The following ADARB2 variants were observed in gnomAD, a reference collection of about 807,000 sequenced individuals.
ADARB2 encodes adenosine deaminase RNA specific B2 (inactive), also known as inactive double-stranded RNA-specific editase B2.
In ADARB2, 25 loss-of-function variants were observed where a neutral mutation model predicts 62.2. The ratio of observed to expected loss-of-function variants is 0.40; its 90% CI spans 0.29 to 0.56. The LOEUF (loss-of-function observed/expected upper bound fraction) is 0.56, where lower values mean the gene tolerates loss of function less well. Among genes scored for constraint, ADARB2 ranks in the 20% least tolerant of loss-of-function variants. The probability of loss-of-function intolerance (pLI) is 0.43; values close to 1 mark genes in which losing one functional copy is unlikely to be tolerated. For synonymous variants in ADARB2, 572 were observed against 500.8 expected, an observed-to-expected ratio of 1.14 and a Z score of -1.90; for missense variants, 1,071 against 1,077.4, an observed-to-expected ratio of 0.99 and a Z score of 0.08.
At chr10:1,608,944 C>T (rs1301534296) in intron 1 of ADARB2, among the ~76,000 whole-genome samples, 9 of 152,126 alleles carry the variant, frequency 5.9e-5, no homozygotes, top group Admixed American at 5.9e-4. Context: ...TATTGTGCGT[C>T]CCTCTTGCAG....
chr10:1,427,343 T>C (rs1832900924), intron 1 of ADARB2, among the ~76,000 whole-genome samples: 1 of 152,224 alleles, frequency 6.6e-6, no homozygotes, highest in African/African-American at 2.4e-5. Flanking sequence ...AAAGGACTTA[T>C]GTCTAAAAAA....
chr10:1,730,838 A>AAT (rs1177624481), intron 1 of ADARB2, among the ~76,000 whole-genome samples: 8 of 152,204 alleles, frequency 5.3e-5, no homozygotes, highest in South Asian at 4.1e-4. Context: ...ACTAAATTCC[A>AAT]ATATATATGT....
intron 1 of ADARB2, among the ~76,000 whole-genome samples, chr10:1,720,800 C>T (rs1389794184): frequency 2.6e-5 from 4 of 152,094 alleles, no homozygotes; most frequent in African/African-American, 9.7e-5. Context: ...TTGGGGGCAG[C>T]AACTAATATC....
rs554376101 is a variant in ADARB2 at position 1,507,753 on chromosome 10, G to A, written c.101-128593C>T. On this transcript the variant is annotated intron_variant, in intron 1 of 9. Transcript: ENST00000381312. ...TTGTGAGTCCTAAGTGCCAGATAGC[G>A]GGTGTACAGTGACTTCATTAGGCAT... 2.0e-3 allele frequency among the ~76,000 whole-genome samples: 298 copies of A among 152,298 alleles called. 3 individuals are homozygous for A. The highest frequency in any genetic ancestry group is 6.6e-3 in the African/African-American group (273 of 41,568).
intron 1 of ADARB2, among the ~76,000 whole-genome samples, chr10:1,557,853 G>A (rs974502137): frequency 4.6e-5 from 7 of 151,984 alleles, no homozygotes; most frequent in Non-Finnish European, 7.4e-5. Flanking sequence ...CGGAGGTTGC[G>A]GTGAGCTGAG....
At chr10:1,513,350 G>A (rs11598604) in intron 1 of ADARB2, among the ~76,000 whole-genome samples, 20,722 of 152,150 alleles carry the variant, frequency 0.14, 1,620 homozygotes, top group East Asian at 0.19. Context: ...TGGCTATGAC[G>A]GGATGACCGC....
At position 1,604,040 on chromosome 10, in the gene ADARB2, A is replaced by G. The variant is rs1432099509; in HGVS notation, c.100+133011T>C. Among the ~76,000 whole-genome samples the G allele has an allele frequency of 3.3e-5, 5 of 152,176 alleles. No individual in the cohort carries two copies. The South Asian group carries it at 8.3e-4, about 25-fold the overall frequency. Reference sequence around the variant, plus strand: ...GGCTGGTCTCAAACTCCTGACCTCAAGTGATCCACCCACCTCGGCCTCCCA... The same window carrying G: ...GGCTGGTCTCAAACTCCTGACCTCAGGTGATCCACCCACCTCGGCCTCCCA... On this transcript the variant is annotated intron_variant, in intron 1 of 9. Coordinates refer to ENST00000381312, the MANE Select transcript of ADARB2 (RefSeq NM_018702.4).
At chr10:1,592,322 TC>T (rs1833268691) in intron 1 of ADARB2, among the ~76,000 whole-genome samples, 1 of 145,068 alleles carries the variant, frequency 6.9e-6, no homozygotes, top group African/African-American at 2.5e-5. Flanking sequence ...CCAGCTTCCC[TC>T]GCCCAAGCCA....
chr10:1,686,619 A>C (rs1264576670), intron 1 of ADARB2, among the ~76,000 whole-genome samples: 1 of 152,170 alleles, frequency 6.6e-6, no homozygotes, highest in Non-Finnish European at 1.5e-5. Flanking sequence ...CTTCCGGCAC[A>C]CAATTAGCTG....
At chr10:1,344,732 G>C (rs970932443) in intron 3 of ADARB2, among the ~76,000 whole-genome samples, 1 of 152,178 alleles carries the variant, frequency 6.6e-6, no homozygotes, top group African/African-American at 2.4e-5. Flanking sequence ...TTCTGGGACG[G>C]GCACGGCGAG....
intron 3 of ADARB2, among the ~76,000 whole-genome samples, chr10:1,276,697 C>G (rs572382185): frequency 1.2e-4 from 19 of 152,228 alleles, no homozygotes; most frequent in South Asian, 4.2e-4. Context: ...GACAGATCAA[C>G]GAGACATAAA....
chr10:1,497,132 GATA>G (rs1217143649), intron 1 of ADARB2, among the ~76,000 whole-genome samples: 1 of 152,094 alleles, frequency 6.6e-6, no homozygotes, highest in Non-Finnish European at 1.5e-5. Context: ...AATGAAATGG[GATA>G]ATAATAATAA....
chr10:1,391,726 T>C (rs1480471652), intron 1 of ADARB2, among the ~76,000 whole-genome samples: 9 of 151,348 alleles, frequency 5.9e-5, no homozygotes, highest in Non-Finnish European at 1.0e-4. Context: ...TCAATAAAAA[T>C]GATAATAAAA....
chr10:1,649,119 C>T (rs377176319), intron 1 of ADARB2, among the ~76,000 whole-genome samples: 18 of 152,270 alleles, frequency 1.2e-4, no homozygotes, highest in Admixed American at 3.3e-4. Flanking sequence ...GGACCTCAGA[C>T]GCAAACTCAA....
chr10:1,585,763 G>A (rs755851560), intron 1 of ADARB2, among the ~76,000 whole-genome samples: 9 of 152,156 alleles, frequency 5.9e-5, no homozygotes, highest in East Asian at 1.9e-4. Flanking sequence ...GTCTGGGTGC[G>A]GTGTCTCACA....
intron 3 of ADARB2, among the ~76,000 whole-genome samples, chr10:1,324,327 G>T (rs1005784720): frequency 3.9e-5 from 6 of 152,154 alleles, no homozygotes; most frequent in African/African-American, 1.4e-4. Context: ...ACTCTGGAGG[G>T]ATGTTTATTA....
chr10:1,293,477 G>T (rs1333728309), intron 3 of ADARB2, among the ~76,000 whole-genome samples: 2 of 152,176 alleles, frequency 1.3e-5, no homozygotes, highest in Non-Finnish European at 2.9e-5. Context: ...ATCAGTTTTA[G>T]AAAGCAAATC....
chr10:1,381,702 C>G (rs141755371), intron 1 of ADARB2, among the ~76,000 whole-genome samples: 2 of 152,178 alleles, frequency 1.3e-5, no homozygotes, highest in South Asian at 4.1e-4. Flanking sequence ...GTGCATGAAA[C>G]TGGAGGACCT....
At chr10:1,470,400 C>A (rs754846065) in intron 1 of ADARB2, among the ~76,000 whole-genome samples, 1 of 152,222 alleles carries the variant, frequency 6.6e-6, no homozygotes, top group Non-Finnish European at 1.5e-5. Context: ...ACACATCACT[C>A]TGCACTGTAG....
Sources: gnomAD v4.1 joint callset for allele counts (sites outside exome capture counted in the v4.1 genomes callset) on GRCh38, gnomAD v4.1.1 for gene constraint, MANE v1.5 for transcripts, NCBI Gene and HGNC (gene_info 2026-07-23, HGNC 2026-07-21) for gene names.